PNO1: variants seen among roughly 807,000 people sequenced by gnomAD.
PNO1 encodes the protein partner of NOB1 homolog, also known as RNA-binding protein PNO1.
In PNO1, 16 loss-of-function variants were observed where a neutral mutation model predicts 28.4. That is an observed-to-expected ratio of 0.56 (90% CI 0.38 to 0.85). The LOEUF (loss-of-function observed/expected upper bound fraction) is 0.85. Among genes scored for constraint, PNO1 ranks in the 40% least tolerant of loss-of-function variants. The pLI, the probability that PNO1 is intolerant of heterozygous loss-of-function variation, is 0.00. For missense variants in PNO1, 304 were observed against 312.2 expected (o/e 0.97, Z 0.20); for synonymous variants, 115 against 110.8 (o/e 1.04, Z -0.24).
intron 5 of PNO1, among the ~76,000 whole-genome samples, chr2:68,170,105 A>G (rs1674088471): frequency 1.3e-5 from 2 of 152,244 alleles, no homozygotes; most frequent in South Asian, 2.1e-4. Context: ...TTGGAAATCC[A>G]CGTTTAACAG....
rs372667008 is a variant in PNO1, at chr2:68,174,987, G to T, written c.*185G>T. On this transcript the variant is annotated 3_prime_UTR_variant, in exon 7 of 7. Coordinates refer to ENST00000263657, the MANE Select transcript of PNO1 (RefSeq NM_020143.4). ...AGGATTCACACTCAACAGGTTTTAG[G>T]ATAATTTAAATATCAAAAATTGATT... is the stretch of plus-strand genomic sequence containing the variant. 1 of 487,074 alleles carries T rather than the reference G, an allele frequency of 2.1e-6. No homozygotes were observed. 30.2% of individuals were successfully genotyped at this position (487,074 alleles called of 1,614,324 possible).
chr2:68,173,104 T>A (rs1347478396), intron 5 of PNO1: 1 of 226,420 alleles, frequency 4.4e-6, no homozygotes, highest in Non-Finnish European at 8.2e-6. Flanking sequence ...TTTTTTTTTT[T>A]TTTAAGAGAG....
chr2:68,170,201 A>C (rs1300452440), intron 5 of PNO1, among the ~76,000 whole-genome samples: 1 of 152,214 alleles, frequency 6.6e-6, no homozygotes, highest in East Asian at 1.9e-4. Context: ...AACCTGGCAA[A>C]ATACAGTAAG....
chr2:68,170,832 T>A (rs1674114342), intron 5 of PNO1, among the ~76,000 whole-genome samples: 1 of 152,182 alleles, frequency 6.6e-6, no homozygotes, highest in Non-Finnish European at 1.5e-5. Flanking sequence ...TTCAACTCTT[T>A]TAGCTTATCT....
At chr2:68,171,985 G>C (rs1217425219) in intron 5 of PNO1, among the ~76,000 whole-genome samples, 2 of 152,028 alleles carry the variant, frequency 1.3e-5, no homozygotes, top group Non-Finnish European at 2.9e-5. Flanking sequence ...AATTATGGGG[G>C]GGTTGCAGTT....
intron 3 of PNO1, among the ~76,000 whole-genome samples, 185 bp from the exon 4 acceptor site, chr2:68,162,080 A>G (rs1264739995): frequency 1.3e-5 from 2 of 152,040 alleles, no homozygotes; most frequent in East Asian, 3.9e-4. Flanking sequence ...CAGAGATTGC[A>G]GTGAGCCAAG....
chr2:68,159,864 G>A (rs556596263), intron 2 of PNO1, among the ~76,000 whole-genome samples: 11 of 151,202 alleles, frequency 7.3e-5, no homozygotes, highest in South Asian at 6.2e-4. Context: ...ATTGTTTGAC[G>A]TCTCTCCTTT....
In PNO1 at chr2:68,158,010, C is replaced by G; in HGVS notation, c.76C>G (p.Arg26Gly). 1 of 1,614,160 alleles carries G rather than the reference C, an allele frequency of 6.2e-7. No homozygotes were observed. The highest frequency in any genetic ancestry group is 8.5e-7 in the Non-Finnish European group (1 of 1,180,018). Residue 26 changes from arginine to glycine, a missense_variant, in exon 1 of 7, where the codon CGG (arginine) becomes GGG (glycine). Physicochemically the swap from Arg to Gly is moderately radical, Grantham distance 125 (BLOSUM62 -2). Coordinates refer to ENST00000263657, the MANE Select transcript of PNO1 (RefSeq NM_020143.4). ...CCAGGTCACCCGCAAGGGTGGCCGA[C>G]GGGCGAAGAAACGACAGGCTGAACA... ...FTQVTRKGGR[R>G]AKKRQAEQLS...
At chr2:68,163,727 G>A (rs575379344) in intron 5 of PNO1, among the ~76,000 whole-genome samples, 2 of 152,130 alleles carry the variant, frequency 1.3e-5, no homozygotes, top group African/African-American at 4.8e-5. Context: ...GGGGAATATC[G>A]TACATTAGGC....
At chr2:68,162,382 C>T (rs913186496) in intron 4 of PNO1, 57 bp downstream of exon 4, 1 of 1,338,272 alleles carries the variant, frequency 7.5e-7, no homozygotes, top group Non-Finnish European at 1.1e-6. Flanking sequence ...TGATGTGACT[C>T]TCAGTTTTCT....
intron 5 of PNO1, among the ~76,000 whole-genome samples, chr2:68,163,840 T>C (rs1558619365): frequency 1.3e-5 from 2 of 152,206 alleles, no homozygotes; most frequent in Non-Finnish European, 2.9e-5. Context: ...AGGTTGAAGC[T>C]GCCCAGGCTG....
intron 5 of PNO1, among the ~76,000 whole-genome samples, chr2:68,165,986 C>T (rs747934145): frequency 1.3e-5 from 2 of 152,294 alleles, no homozygotes; most frequent in South Asian, 2.1e-4. Flanking sequence ...CCTGCCCCCA[C>T]CCTTTTCTGG....
chr2:68,164,121 G>T (rs959924634), intron 5 of PNO1, among the ~76,000 whole-genome samples: 1 of 152,134 alleles, frequency 6.6e-6, no homozygotes, highest in Non-Finnish European at 1.5e-5. Flanking sequence ...ATCTTTTATG[G>T]ATTGAGCCTA....
rs556715037 is a variant in PNO1 at position 68,175,833 on chromosome 2, C to T, written c.*1031C>T. On this transcript the variant is annotated 3_prime_UTR_variant, in exon 7 of 7. Coordinates refer to ENST00000263657, the MANE Select transcript of PNO1 (RefSeq NM_020143.4). ...TAAGCCCACTGTGAGTTGAAAATACCAAAAGTCAAACATCATAGCTTAGCC... is the reference window on the plus strand; with the variant it reads ...TAAGCCCACTGTGAGTTGAAAATACTAAAAGTCAAACATCATAGCTTAGCC... 8.1e-4 allele frequency: 124 copies of T among 152,174 alleles called. No individual in the cohort carries two copies. The highest frequency in any genetic ancestry group is 2.9e-3 in the African/African-American group (119 of 41,512). The allele number at this position is 152,174 out of a possible 1,614,324, so 9.4% of individuals were successfully genotyped here.
At chr2:68,166,362 A>G (rs1260774550) in intron 5 of PNO1, among the ~76,000 whole-genome samples, 1 of 150,130 alleles carries the variant, frequency 6.7e-6, no homozygotes, top group Non-Finnish European at 1.5e-5. Context: ...TATGTATTAT[A>G]TACTGTACTC....
intron 2 of PNO1, among the ~76,000 whole-genome samples, chr2:68,160,844 T>C (rs193247745): frequency 5.9e-5 from 9 of 152,360 alleles, no homozygotes; most frequent in Admixed American, 2.0e-4. Context: ...TAGTTTTAAA[T>C]GGGAAAGCTC....
chr2:68,163,215 A>G (rs773430692), intron 5 of PNO1, among the ~76,000 whole-genome samples: 5 of 152,222 alleles, frequency 3.3e-5, no homozygotes, highest in Non-Finnish European at 5.9e-5. Context: ...CTATTAAAAG[A>G]AATTATTACA....
chr2:68,172,748 T>C (rs1467135636), intron 5 of PNO1, among the ~76,000 whole-genome samples: 1 of 152,126 alleles, frequency 6.6e-6, no homozygotes, highest in Admixed American at 6.6e-5. Context: ...TCTCTCCTCA[T>C]CCGTAAAACA....
chr2:68,162,730 A>G (rs1224003877), intron 5 of PNO1, 67 bp downstream of exon 5: 20 of 1,028,810 alleles, frequency 1.9e-5, no homozygotes, highest in Non-Finnish European at 2.9e-5. Flanking sequence ...TAAGAAAGTC[A>G]TAACAGTTGT....
Sources: gnomAD v4.1 joint callset for allele counts (sites outside exome capture counted in the v4.1 genomes callset) on GRCh38, gnomAD v4.1.1 for gene constraint, MANE v1.5 for transcripts, NCBI Gene and HGNC (gene_info 2026-07-23, HGNC 2026-07-21) for gene names.